The following SLC35F4 variants were observed in gnomAD, a reference collection of about 807,000 sequenced individuals.
The protein encoded by SLC35F4 is chromosome 14 open reading frame 36.
In SLC35F4, 24 loss-of-function variants were observed where a neutral mutation model predicts 44.2. That is an observed-to-expected ratio of 0.54 (90% CI 0.39 to 0.76). The LOEUF (loss-of-function observed/expected upper bound fraction) is 0.76. SLC35F4 is among the 30% of genes least tolerant of loss of function. The pLI is 0.00. For synonymous variants in SLC35F4, 238 were observed against 223.6 expected, an observed-to-expected ratio of 1.06 and a Z score of -0.57; for missense variants, 562 against 586.1, an observed-to-expected ratio of 0.96 and a Z score of 0.42.
chr14:57,619,408 A>G (rs937686786), intron 1 of SLC35F4, among the ~76,000 whole-genome samples: 1 of 152,206 alleles, frequency 6.6e-6, no homozygotes, highest in African/African-American at 2.4e-5. Flanking sequence ...AAAGGTCTGG[A>G]GTGGACCTCC....
intron 1 of SLC35F4, among the ~76,000 whole-genome samples, chr14:57,966,871 A>G (rs374757792): frequency 6.6e-6 from 1 of 152,096 alleles, no homozygotes; most frequent in East Asian, 1.9e-4. Flanking sequence ...TCAGCCGGGC[A>G]TGGTGGCACA....
intron 1 of SLC35F4, among the ~76,000 whole-genome samples, chr14:57,844,710 G>T (rs778971932): frequency 1.4e-4 from 22 of 152,176 alleles, no homozygotes; most frequent in Non-Finnish European, 2.1e-4. Context: ...TTGGAAGCAA[G>T]ATTTCCTCTG....
At chr14:57,738,748 C>T (rs922407569) in intron 1 of SLC35F4, among the ~76,000 whole-genome samples, 11 of 110,296 alleles carry the variant, frequency 1.0e-4, no homozygotes, top group South Asian at 2.8e-4. Flanking sequence ...TTTGAATTTT[C>T]ATATATATAT....
At chr14:57,666,710 CTT>C (rs71104578) in intron 1 of SLC35F4, among the ~76,000 whole-genome samples, 11 of 144,090 alleles carry the variant, frequency 7.6e-5, no homozygotes, top group Admixed American at 2.1e-4. Flanking sequence ...AAAGGAACTT[CTT>C]TTTTTTTTTT....
intron 1 of SLC35F4, among the ~76,000 whole-genome samples, chr14:57,622,416 A>G (rs1404927104): frequency 6.0e-5 from 9 of 149,358 alleles, no homozygotes; most frequent in African/African-American, 2.2e-4. Context: ...TTGGAAACCA[A>G]CCCAAATGTC....
rs141774985 is a variant in SLC35F4 at position 57,708,855 on chromosome 14, C to T, written c.104-114731G>A. Among the ~76,000 whole-genome samples the T allele has an allele frequency of 2.6e-5, 4 of 152,090 alleles. 1 individual carries two copies. In the East Asian group the frequency reaches 7.8e-4, roughly 29 times the overall value. On this transcript the variant is annotated intron_variant, in intron 1 of 7. Transcript: ENST00000556826. Reference sequence around the variant, plus strand: ...CAATGATAGGTAAGGTCATGTGGGTCACGTGTCCACTGGACAGGGGGCCCT... The same window carrying T: ...CAATGATAGGTAAGGTCATGTGGGTTACGTGTCCACTGGACAGGGGGCCCT...
At chr14:57,827,110 A>C (rs1883863937) in intron 1 of SLC35F4, among the ~76,000 whole-genome samples, 1 of 151,510 alleles carries the variant, frequency 6.6e-6, no homozygotes, top group Admixed American at 6.5e-5. Context: ...AATCAACCCA[A>C]ATGCCCATCA....
chr14:57,793,568 T>C (rs1289354855), intron 1 of SLC35F4, among the ~76,000 whole-genome samples: 1 of 152,166 alleles, frequency 6.6e-6, no homozygotes, highest in African/African-American at 2.4e-5. Flanking sequence ...AAAGACATTA[T>C]TTAATTATTT....
downstream of SLC35F4, among the ~76,000 whole-genome samples, chr14:57,974,914 T>A (rs1282209999): frequency 6.6e-6 from 1 of 152,174 alleles, no homozygotes; most frequent in Non-Finnish European, 1.5e-5. Context: ...TAGCTAGGCA[T>A]CAAAATCTAA....
chr14:57,870,196 T>C (rs993263121), upstream of SLC35F4, among the ~76,000 whole-genome samples: 29 of 144,490 alleles, frequency 2.0e-4, no homozygotes, highest in African/African-American at 7.6e-4. Context: ...CTCGGTCTGT[T>C]TTTCTGTCTT....
intron 1 of SLC35F4, among the ~76,000 whole-genome samples, chr14:57,977,835 G>A (rs1008504087): frequency 9.2e-5 from 14 of 152,224 alleles, no homozygotes; most frequent in African/African-American, 3.1e-4. Flanking sequence ...GAAAGACAGT[G>A]GAGAAAGGAA....
At chr14:57,904,480 C>T (rs978517992) in intron 1 of SLC35F4, among the ~76,000 whole-genome samples, 10 of 152,178 alleles carry the variant, frequency 6.6e-5, no homozygotes, top group African/African-American at 1.9e-4. Context: ...AAATGCAAGA[C>T]AGTGAATGAG....
At chr14:57,849,145 A>G (rs1273689908) in intron 1 of SLC35F4, among the ~76,000 whole-genome samples, 1 of 152,150 alleles carries the variant, frequency 6.6e-6, no homozygotes. Flanking sequence ...TAAGCACATA[A>G]AAAAGAATCA....
At chr14:57,669,982 C>G (rs1274774380) in intron 1 of SLC35F4, among the ~76,000 whole-genome samples, 1 of 152,002 alleles carries the variant, frequency 6.6e-6, no homozygotes, top group East Asian at 1.9e-4. Flanking sequence ...GGTTGGTAAG[C>G]TATTAATTAT....
At chr14:57,623,957 G>C (rs1022838778) in intron 1 of SLC35F4, among the ~76,000 whole-genome samples, 6 of 152,108 alleles carry the variant, frequency 3.9e-5, no homozygotes, top group Admixed American at 3.9e-4. Context: ...GATTAGAGCA[G>C]AACTGAAGGA....
chr14:57,876,421 G>A (rs967943523), intron 1 of SLC35F4, among the ~76,000 whole-genome samples: 5 of 151,854 alleles, frequency 3.3e-5, no homozygotes, highest in African/African-American at 2.4e-5. Flanking sequence ...TACAAAACCT[G>A]GCTGCTGAAA....
At chr14:57,739,311 G>T (rs996902296) in intron 1 of SLC35F4, among the ~76,000 whole-genome samples, 2 of 152,168 alleles carry the variant, frequency 1.3e-5, no homozygotes, top group East Asian at 1.9e-4. Context: ...GGCATTCAGG[G>T]AGTAGGAGGA....
At chr14:57,924,282 T>A (rs933244397) in intron 1 of SLC35F4, among the ~76,000 whole-genome samples, 2 of 152,162 alleles carry the variant, frequency 1.3e-5, no homozygotes, top group Non-Finnish European at 2.9e-5. Flanking sequence ...GTCTGCAGAC[T>A]GTATAAGAAG....
chr14:57,698,161 T>C (rs1053910958), intron 1 of SLC35F4, among the ~76,000 whole-genome samples: 1 of 152,216 alleles, frequency 6.6e-6, no homozygotes, highest in Non-Finnish European at 1.5e-5. Flanking sequence ...TGTAAGTATC[T>C]ACTAGTTTCT....
Sources: gnomAD v4.1 joint callset for allele counts (sites outside exome capture counted in the v4.1 genomes callset) on GRCh38, gnomAD v4.1.1 for gene constraint, MANE v1.5 for transcripts, NCBI Gene and HGNC (gene_info 2026-07-23, HGNC 2026-07-21) for gene names.